KLHL29: variants seen among roughly 807,000 people sequenced by gnomAD.
The protein encoded by KLHL29 is kelch like family member 29.
Under a neutral mutation model 80.4 loss-of-function variants are expected in KLHL29, and 21 were observed. That is an observed-to-expected ratio of 0.26 (90% CI 0.19 to 0.38). The LOEUF (loss-of-function observed/expected upper bound fraction) is 0.38, where lower values mean the gene tolerates loss of function less well. KLHL29 is among the 10% of genes least tolerant of loss of function. The probability of loss-of-function intolerance (pLI) is 1.00; values close to 1 mark genes in which losing one functional copy is unlikely to be tolerated. For missense variants in KLHL29, 867 were observed against 1,223.9 expected (o/e 0.71, Z 4.35); for synonymous variants, 511 against 526.8 (o/e 0.97, Z 0.41).
chr2:23,549,208 A>G (rs966730366), intron 2 of KLHL29, among the ~76,000 whole-genome samples: 1 of 152,234 alleles, frequency 6.6e-6, no homozygotes, highest in Admixed American at 6.5e-5. Flanking sequence ...GCCAGTATGC[A>G]AGGGGCCAGC....
Position 23,586,973 on chromosome 2 carries a change from A to G in KLHL29, c.285+24492A>G, listed in dbSNP as rs531911626. ...AGGATATAAAAACCAGTCATTCAGT[A>G]GCTGATGTGCTCCGTCTTATTGTTG... On this transcript the variant is annotated intron_variant, in intron 3 of 13. Coordinates refer to ENST00000486442, the MANE Select transcript of KLHL29 (RefSeq NM_052920.2). 1.6e-3 allele frequency among the ~76,000 whole-genome samples: 248 copies of G among 152,294 alleles called. 2 individuals carry two copies. The highest frequency in any genetic ancestry group is 5.7e-3 in the African/African-American group (235 of 41,556).
intron 2 of KLHL29, among the ~76,000 whole-genome samples, chr2:23,494,390 A>G (rs1032105103): frequency 2.0e-5 from 3 of 152,170 alleles, no homozygotes; most frequent in African/African-American, 4.8e-5. Flanking sequence ...TGCTGGGAAC[A>G]TTTCCACCAG....
chr2:23,673,198 TCA>T (rs535713483), intron 5 of KLHL29, among the ~76,000 whole-genome samples: 1 of 139,778 alleles, frequency 7.2e-6, no homozygotes, highest in Non-Finnish European at 1.6e-5. Flanking sequence ...ACATGCTGTC[TCA>T]CACACACATC....
chr2:23,693,438 C>G lies in KLHL29; in HGVS notation c.1452C>G (p.Val484=). 1 of 1,551,740 alleles carries G rather than the reference C, an allele frequency of 6.4e-7. No individual in the cohort carries two copies. Among genetic ancestry groups the G allele is most frequent in the East Asian group, 2.4e-5 (1 of 40,914 alleles). The change falls in exon 8 of 14, where the codon GTC becomes GTG. Residue 484 remains valine, a synonymous_variant. Coordinates refer to ENST00000486442, the MANE Select transcript of KLHL29 (RefSeq NM_052920.2). ...CCAAGGACGACTTCATCGCCTACGT[C>G]TCCAACGACAGCCTCAACACCAAGG... is the stretch of plus-strand genomic sequence containing the variant. ...SISKDDFIAY[V]SNDSLNTKAE... is the part of the protein sequence containing the mutation.
At chr2:23,668,043 G>A (rs12616649) in intron 5 of KLHL29, 15,484 of 152,320 alleles carry the variant, frequency 0.1, 889 homozygotes, top group Middle Eastern at 0.17. Context: ...CCCTCTCTGC[G>A]TTATTTTTTT....
intron 1 of KLHL29, among the ~76,000 whole-genome samples, chr2:23,437,529 T>C (rs1663377239): frequency 6.6e-6 from 1 of 152,248 alleles, no homozygotes; most frequent in African/African-American, 2.4e-5. Flanking sequence ...GAAGGGTTGC[T>C]GGATACTTAG....
intron 2 of KLHL29, among the ~76,000 whole-genome samples, chr2:23,512,438 T>A (rs777405595): frequency 9.4e-6 from 1 of 105,896 alleles, no homozygotes; most frequent in Non-Finnish European, 2.1e-5. Flanking sequence ...AGACCACAAT[T>A]CTGTCTCAAA....
chr2:23,443,331 C>A (rs1156781336), intron 1 of KLHL29, among the ~76,000 whole-genome samples: 1 of 152,164 alleles, frequency 6.6e-6, no homozygotes, highest in East Asian at 1.9e-4. Context: ...GTCATTACAC[C>A]TAATAAGATA....
chr2:23,393,048 C>T (rs903415742), intron 1 of KLHL29, among the ~76,000 whole-genome samples: 1 of 152,066 alleles, frequency 6.6e-6, no homozygotes, highest in Non-Finnish European at 1.5e-5. Flanking sequence ...AAATAAATAG[C>T]AAATCAAAGA....
At chr2:23,599,863 G>A (rs1481891119) in intron 3 of KLHL29, among the ~76,000 whole-genome samples, 1 of 152,220 alleles carries the variant, frequency 6.6e-6, no homozygotes, top group Non-Finnish European at 1.5e-5. Flanking sequence ...CCGCATGCTG[G>A]TTTACATAGA....
rs920005667 is a variant in KLHL29 at position 23,682,562 on chromosome 2, T to C, written c.941-1837T>C. Among the ~76,000 whole-genome samples the C allele has an allele frequency of 6.6e-6, 1 of 152,204 alleles. No individual in the cohort carries two copies. Among genetic ancestry groups the C allele is most frequent in the Non-Finnish European group, 1.5e-5 (1 of 68,030 alleles). ...GCTCCCTGGTGCCCCAGGATGAAGC[T>C]GGAGCTCCCAGGCAAGACTGTTGCG... On this transcript the variant is annotated intron_variant, in intron 5 of 13. Transcript: ENST00000486442. This position sits in a 1 kb window ranked among gnomAD's most constrained non-coding sequence, Gnocchi z 4.1.
At chr2:23,688,287 G>A (rs1165016978) in intron 6 of KLHL29, among the ~76,000 whole-genome samples, 6 of 152,186 alleles carry the variant, frequency 3.9e-5, no homozygotes, top group Non-Finnish European at 7.4e-5. Context: ...ATTCATGGGC[G>A]GAGTCCTCTC....
intron 3 of KLHL29, among the ~76,000 whole-genome samples, chr2:23,607,681 A>G (rs1293785617): frequency 1.3e-5 from 2 of 152,170 alleles, no homozygotes; most frequent in African/African-American, 2.4e-5. Flanking sequence ...TCAGATCAGC[A>G]ATGACAATAG....
intron 5 of KLHL29, among the ~76,000 whole-genome samples, chr2:23,651,404 A>C (rs1670083735): frequency 6.6e-6 from 1 of 150,632 alleles, no homozygotes; most frequent in Admixed American, 6.6e-5. Flanking sequence ...CTTGCAAATG[A>C]CCTCTCGGTG....
chr2:23,674,912 C>T (rs968242409), intron 5 of KLHL29, among the ~76,000 whole-genome samples: 2 of 152,180 alleles, frequency 1.3e-5, no homozygotes, highest in Non-Finnish European at 2.9e-5. Context: ...TTGGCCCTCA[C>T]CTGGCCCTCC....
intron 4 of KLHL29, 41 bp downstream of exon 4, chr2:23,639,321 G>T: frequency 6.5e-7 from 1 of 1,530,556 alleles, no homozygotes; most frequent in Non-Finnish European, 8.8e-7. Flanking sequence ...TGAGCCCAGG[G>T]CTTGGCGGGA....
rs371301016 is a variant in KLHL29 at position 23,555,120 on chromosome 2, T to TC, written c.-45-7021dup. On this transcript the variant is annotated intron_variant, in intron 2 of 13. Transcript: ENST00000486442. ...TCGTGGGTATTTATGGAGGATGACC[T>TC]CCCCCCCCCCCTCAACTTGTGTCTC... Among the ~76,000 whole-genome samples the TC allele has an allele frequency of 7.8e-3, 937 of 120,356 alleles. 4 individuals are homozygous for TC. Among genetic ancestry groups the TC allele is most frequent in the African/African-American group, 0.02 (578 of 28,218 alleles). The allele number at this position is 120,356 out of a possible 152,430, so 79.0% of individuals were successfully genotyped here.
intron 1 of KLHL29, among the ~76,000 whole-genome samples, chr2:23,396,612 T>C (rs1420996949): frequency 6.6e-6 from 1 of 152,156 alleles, no homozygotes; most frequent in Non-Finnish European, 1.5e-5. Flanking sequence ...CCGATCCTTC[T>C]AGAGGAGAGC....
Position 23,703,308 on chromosome 2 carries a change from G to A in KLHL29, c.2228G>A (p.Arg743Gln), listed in dbSNP as rs1244135268. ...TTTGGTGGGGTGAACGAGGCAGGCCGAGCTGCCGGCGTCCTCCAGTCTTAC... is the reference window on the plus strand; with the variant it reads ...TTTGGTGGGGTGAACGAGGCAGGCCAAGCTGCCGGCGTCCTCCAGTCTTAC... ...YVFGGVNEAG[R>Q]AAGVLQSYVP... The change falls in exon 12 of 14, where the codon CGA becomes CAA. Residue 743 changes from arginine to glutamine, a missense_variant. Arg to Gln is a conservative substitution (Grantham distance 43, BLOSUM62 1). Coordinates refer to ENST00000486442, the MANE Select transcript of KLHL29 (RefSeq NM_052920.2). 1.1e-5 allele frequency: 17 copies of A among 1,547,708 alleles called. 1 individual carries two copies. Among genetic ancestry groups the A allele is most frequent in the Non-Finnish European group, 1.4e-5 (16 of 1,145,440 alleles).
Sources: allele counts gnomAD v4.1 joint callset (sites outside exome capture counted in the v4.1 genomes callset), GRCh38; gene constraint gnomAD v4.1.1; non-coding constraint Gnocchi (gnomAD v3.1); transcripts MANE v1.5; gene names NCBI Gene and HGNC (gene_info 2026-07-23, HGNC 2026-07-21).